HMCN1: variants seen among roughly 807,000 people sequenced by gnomAD.
HMCN1 encodes hemicentin 1.
Under a neutral mutation model 625.9 loss-of-function variants are expected in HMCN1, and 321 were observed. The ratio of observed to expected loss-of-function variants is 0.51; its 90% confidence interval spans 0.47 to 0.56. The LOEUF (loss-of-function observed/expected upper bound fraction) is 0.56. HMCN1 is among the 20% of genes least tolerant of loss of function. The pLI is 0.00. For missense variants in HMCN1, 6,588 were observed against 6,887.3 expected (o/e 0.96, Z 1.54); for synonymous variants, 2,425 against 2,417.6 (o/e 1.00, Z -0.09).
At chr1:186,126,880 G>T (rs1170107983) in intron 82 of HMCN1, among the ~76,000 whole-genome samples, 1 of 152,080 alleles carries the variant, frequency 6.6e-6, no homozygotes, top group Non-Finnish European at 1.5e-5. Context: ...GGTTACGTTG[G>T]CTGTTGTGAT....
chr1:185,755,173 C>T (rs944638454), intron 1 of HMCN1, among the ~76,000 whole-genome samples: 10 of 152,080 alleles, frequency 6.6e-5, no homozygotes, highest in Admixed American at 3.3e-4. Flanking sequence ...TTGAAATCAC[C>T]CACTATAATC....
chr1:185,806,151 A>G (rs1180868702), intron 1 of HMCN1, among the ~76,000 whole-genome samples: 1 of 152,046 alleles, frequency 6.6e-6, no homozygotes, highest in Non-Finnish European at 1.5e-5. Flanking sequence ...TCATTTATTA[A>G]CTCATTTAAA....
In HMCN1 at chr1:185,962,601, T is replaced by C. The variant is rs1225215664; in HGVS notation, c.1912T>C (p.Tyr638His). Residue 638 changes from tyrosine to histidine, a missense_variant, in exon 12 of 107, where the codon TAT (tyrosine) becomes CAT (histidine). Tyr to His is a moderately conservative substitution (Grantham distance 83). Coordinates refer to ENST00000271588, the MANE Select transcript of HMCN1 (RefSeq NM_031935.3). The part of the protein sequence containing the change: ...EVSIMCSATG[Y>H]PKPKIAWTVN... ...CTCCATCATGTGTTCTGCAACAGGTTATCCCAAACCAAAGATTGCCTGGAC... is the reference window on the plus strand; with the variant it reads ...CTCCATCATGTGTTCTGCAACAGGTCATCCCAAACCAAAGATTGCCTGGAC... 2 of 1,595,616 alleles carry C rather than the reference T, an allele frequency of 1.3e-6. No individual in the cohort carries two copies. Among genetic ancestry groups the C allele is most frequent in the African/African-American group, 1.3e-5 (1 of 74,656 alleles).
chr1:185,976,042 T>C (rs971023661), intron 15 of HMCN1, among the ~76,000 whole-genome samples: 10 of 152,158 alleles, frequency 6.6e-5, no homozygotes, highest in Non-Finnish European at 1.5e-4. Flanking sequence ...TGGTTACAAA[T>C]ATAAACTCTC....
intron 85 of HMCN1, 88 bp from the exon 86 acceptor site, chr1:186,132,240 T>G: frequency 1.1e-6 from 1 of 908,026 alleles, no homozygotes; most frequent in South Asian, 1.4e-5. Context: ...AAAAATGAAA[T>G]TTCAAATAAA....
intron 32 of HMCN1, 123 bp downstream of exon 32, chr1:186,016,362 C>A: frequency 2.3e-6 from 2 of 861,636 alleles, no homozygotes; most frequent in Non-Finnish European, 3.6e-6. Flanking sequence ...CTCTGTGCAA[C>A]TGTGGATTGC....
intron 11 of HMCN1, among the ~76,000 whole-genome samples, chr1:185,953,154 G>A (rs1221585075): frequency 6.6e-6 from 1 of 151,142 alleles, no homozygotes; most frequent in African/African-American, 2.4e-5. Context: ...GGTACTGAGG[G>A]GTACTTGCCC....
At chr1:185,851,409 C>T (rs577859877) in intron 2 of HMCN1, among the ~76,000 whole-genome samples, 7 of 152,054 alleles carry the variant, frequency 4.6e-5, no homozygotes, top group South Asian at 2.1e-4. Flanking sequence ...ATGGAATTAA[C>T]GTGAGAAAAA....
At chr1:186,090,625 T>C in intron 63 of HMCN1, 133 bp from the exon 64 acceptor site, 5 of 959,362 alleles carry the variant, frequency 5.2e-6, no homozygotes, top group Non-Finnish European at 8.0e-6. Context: ...TTCATGAAGA[T>C]AACAATAGTT....
chr1:185,804,402 C>G (rs1259307069), intron 1 of HMCN1, among the ~76,000 whole-genome samples: 1 of 151,978 alleles, frequency 6.6e-6, no homozygotes, highest in Non-Finnish European at 1.5e-5. Context: ...TACCTAAACT[C>G]AAATAACTAG....
intron 1 of HMCN1, among the ~76,000 whole-genome samples, chr1:185,821,904 G>T (rs577833007): frequency 1.0e-3 from 149 of 145,016 alleles, no homozygotes; most frequent in Admixed American, 4.8e-3. Context: ...AAAAAAAAAA[G>T]CTTTACAACA....
At chr1:185,953,880 G>A (rs1470566115) in intron 11 of HMCN1, among the ~76,000 whole-genome samples, 1 of 151,256 alleles carries the variant, frequency 6.6e-6, no homozygotes, top group African/African-American at 2.4e-5. Context: ...AAGGGAGATA[G>A]GGGTGGGGCC....
chr1:185,887,620 C>T (rs1664754170), intron 4 of HMCN1, among the ~76,000 whole-genome samples: 1 of 149,074 alleles, frequency 6.7e-6, no homozygotes, highest in South Asian at 2.1e-4. Context: ...ATCCATGTCC[C>T]TACAAAGGAC....
At chr1:186,063,469 GGA>G (rs1657900490) in intron 48 of HMCN1, among the ~76,000 whole-genome samples, 1 of 119,648 alleles carries the variant, frequency 8.4e-6, no homozygotes, top group Admixed American at 8.2e-5. Flanking sequence ...AAGGAAGGAA[GGA>G]AGGAAGGAAG....
chr1:185,805,724 C>G (rs562054868), intron 1 of HMCN1, among the ~76,000 whole-genome samples: 1 of 152,152 alleles, frequency 6.6e-6, no homozygotes, highest in African/African-American at 2.4e-5. Flanking sequence ...CACTGCCTCT[C>G]TCTACTGCGT....
At chr1:186,057,057 A>G (rs1433142630) in intron 45 of HMCN1, among the ~76,000 whole-genome samples, 177 bp from the exon 46 acceptor site, 1 of 151,728 alleles carries the variant, frequency 6.6e-6, no homozygotes, top group African/African-American at 2.4e-5. Context: ...ACACACACAC[A>G]CACACACACA....
intron 4 of HMCN1, among the ~76,000 whole-genome samples, chr1:185,881,056 A>G (rs1327148062): frequency 6.6e-6 from 1 of 152,182 alleles, no homozygotes; most frequent in East Asian, 1.9e-4. Flanking sequence ...GGCATGTTAC[A>G]CTGCTCTTTT....
chr1:185,790,499 C>A (rs1410595017), intron 1 of HMCN1, among the ~76,000 whole-genome samples: 1 of 152,200 alleles, frequency 6.6e-6, no homozygotes, highest in African/African-American at 2.4e-5. Context: ...AGTTGTGACT[C>A]TTTCTCTCTG....
intron 4 of HMCN1, among the ~76,000 whole-genome samples, chr1:185,874,573 AT>A (rs1397887212): frequency 6.6e-6 from 1 of 151,956 alleles, no homozygotes; most frequent in East Asian, 1.9e-4. Context: ...CCCTTGTAAT[AT>A]TTTGGTCATG....
Sources: gnomAD v4.1 joint callset for allele counts (sites outside exome capture counted in the v4.1 genomes callset) on GRCh38, gnomAD v4.1.1 for gene constraint, MANE v1.5 for transcripts, NCBI Gene and HGNC (gene_info 2026-07-23, HGNC 2026-07-21) for gene names.